LRRC7: variants seen among roughly 807,000 people sequenced by gnomAD.
LRRC7 encodes the protein leucine rich repeat containing 7.
LRRC7 carries 23 observed loss-of-function variants against 175.7 expected under a neutral mutation model. The observed-to-expected ratio is 0.13, with a 90% CI of 0.09 to 0.19. The LOEUF is 0.19. Ranked by LOEUF, LRRC7 falls within the 10% of genes least tolerant of loss-of-function variation. LRRC7 has a pLI of 1.00. For missense variants in LRRC7, 1,354 were observed against 1,904.7 expected, an observed-to-expected ratio of 0.71 and a Z score of 5.38; for synonymous variants, 685 against 680.9, an observed-to-expected ratio of 1.01 and a Z score of -0.09.
At chr1:69,919,590 C>A in intron 7 of LRRC7, 1 of 810,678 alleles carries the variant, frequency 1.2e-6, no homozygotes, top group Non-Finnish European at 2.1e-6. Context: ...ATCACCCGGA[C>A]CAAGGAGGAG....
At chr1:69,571,494 T>C (rs911759824) in intron 1 of LRRC7, among the ~76,000 whole-genome samples, 4 of 152,210 alleles carry the variant, frequency 2.6e-5, no homozygotes, top group Admixed American at 1.3e-4. Context: ...TTATTGCTTA[T>C]GAAAGTAATA....
chr1:70,097,906 A>G (rs549942395), intron 25 of LRRC7, among the ~76,000 whole-genome samples: 2 of 148,764 alleles, frequency 1.3e-5, no homozygotes, highest in East Asian at 2.0e-4. Flanking sequence ...ATTGTGAATA[A>G]TGCTGCAATA....
chr1:69,588,626 TG>T (rs1646496971), intron 1 of LRRC7, among the ~76,000 whole-genome samples: 1 of 152,170 alleles, frequency 6.6e-6, no homozygotes, highest in African/African-American at 2.4e-5. Context: ...GTATAATTTT[TG>T]TAAGCCTTGT....
At chr1:69,595,608 A>T (rs1161225077) in intron 1 of LRRC7, among the ~76,000 whole-genome samples, 2 of 151,350 alleles carry the variant, frequency 1.3e-5, no homozygotes, top group African/African-American at 4.9e-5. Context: ...TTACAACCTT[A>T]CTTTCCCTGC....
intron 4 of LRRC7, among the ~76,000 whole-genome samples, chr1:69,823,342 A>G (rs929166707): frequency 6.6e-6 from 1 of 152,144 alleles, no homozygotes; most frequent in Non-Finnish European, 1.5e-5. Context: ...ATGTTACCAC[A>G]TTTTCTAGAA....
At chr1:69,844,567 G>A (rs1355816310) in intron 7 of LRRC7, among the ~76,000 whole-genome samples, 3 of 151,948 alleles carry the variant, frequency 2.0e-5, no homozygotes, top group Admixed American at 6.6e-5. Context: ...ATACCACATT[G>A]TCTTTATTCA....
intron 8 of LRRC7, among the ~76,000 whole-genome samples, chr1:69,962,838 G>T (rs924690665): frequency 6.6e-6 from 1 of 152,028 alleles, no homozygotes; most frequent in Non-Finnish European, 1.5e-5. Flanking sequence ...CAGAGGGTGG[G>T]AGGCGGGAGA....
At chr1:69,629,735 T>C (rs1020664383) in intron 1 of LRRC7, among the ~76,000 whole-genome samples, 3 of 152,166 alleles carry the variant, frequency 2.0e-5, no homozygotes, top group African/African-American at 7.2e-5. Context: ...TCTTTCCCTC[T>C]CTCTCTGCCT....
At chr1:69,608,076 A>G (rs10889841) in intron 1 of LRRC7, 25,764 of 152,742 alleles carry the variant, frequency 0.17, 2,587 homozygotes, top group African/African-American at 0.27. Flanking sequence ...ATGTTGGATG[A>G]TATCTTGGAC....
In LRRC7 at chr1:69,834,836, C is replaced by T. The variant is rs1331492349; in HGVS notation, c.557C>T (p.Ala186Val). The T allele has an allele frequency of 1.2e-6, 2 of 1,613,158 alleles. No individual in the cohort carries two copies. The highest frequency in any genetic ancestry group is 1.7e-6 in the Non-Finnish European group (2 of 1,179,412). ...LNLTQLYLND[A>V]FLEFLPANFG... ...CTGACCCAGCTCTACCTGAATGACG[C>T]CTTTCTTGAATTTCTTCCAGCCAAT... The change falls in exon 6 of 27, where the codon GCC (alanine) becomes GTC (valine). Residue 186 changes from alanine to valine, a missense_variant. Transcript: ENST00000651989.
chr1:69,737,452 C>G (rs1313042381), intron 2 of LRRC7, among the ~76,000 whole-genome samples: 2 of 152,092 alleles, frequency 1.3e-5, no homozygotes, highest in Admixed American at 6.6e-5. Context: ...CATTAAATCT[C>G]TTTTTCTTTA....
At chr1:69,838,192 T>C (rs780201964) in intron 6 of LRRC7, 35 bp from the exon 7 acceptor site, 67 of 1,518,024 alleles carry the variant, frequency 4.4e-5, no homozygotes, top group Non-Finnish European at 5.3e-5. Flanking sequence ...TAGACAGACA[T>C]ACTAAGAGGA....
intron 1 of LRRC7, among the ~76,000 whole-genome samples, chr1:69,624,437 T>C (rs547751758): frequency 7.7e-4 from 117 of 152,256 alleles, no homozygotes; most frequent in Non-Finnish European, 1.4e-3. Context: ...ATATTGATTA[T>C]TTGCAAATAT....
intron 7 of LRRC7, among the ~76,000 whole-genome samples, chr1:69,892,688 A>C (rs748382764): frequency 5.9e-5 from 9 of 152,308 alleles, no homozygotes; most frequent in South Asian, 2.1e-4. Flanking sequence ...CTTTACCTAC[A>C]TGTATTATTT....
At chr1:69,750,077 T>TAAA (rs1348763445) in intron 2 of LRRC7, among the ~76,000 whole-genome samples, 2 of 110,252 alleles carry the variant, frequency 1.8e-5, no homozygotes, top group Non-Finnish European at 3.6e-5. Context: ...AATAAATAAA[T>TAAA]AAATAAATAA....
At chr1:69,852,788 G>A (rs1683132536) in intron 7 of LRRC7, among the ~76,000 whole-genome samples, 1 of 152,028 alleles carries the variant, frequency 6.6e-6, no homozygotes, top group Non-Finnish European at 1.5e-5. Flanking sequence ...ATTTGTTACA[G>A]TACATTTTAG....
intron 2 of LRRC7, among the ~76,000 whole-genome samples, chr1:69,691,918 A>G (rs568188085): frequency 1.4e-4 from 22 of 152,136 alleles, no homozygotes; most frequent in Non-Finnish European, 2.6e-4. Flanking sequence ...TCATATTGCA[A>G]AACAATTTTG....
At chr1:69,685,003 G>C (rs2100631206) in intron 2 of LRRC7, among the ~76,000 whole-genome samples, 1 of 152,290 alleles carries the variant, frequency 6.6e-6, no homozygotes, top group Non-Finnish European at 1.5e-5. Flanking sequence ...GTCATAAAGA[G>C]ACCCAGGCTC....
chr1:69,727,057 G>A (rs553465845), intron 2 of LRRC7, among the ~76,000 whole-genome samples: 3 of 152,294 alleles, frequency 2.0e-5, no homozygotes, highest in Admixed American at 6.5e-5. Context: ...TGGAACCTAA[G>A]GGTAGCACTG....
Sources: gnomAD v4.1 joint callset for allele counts (sites outside exome capture counted in the v4.1 genomes callset) on GRCh38, gnomAD v4.1.1 for gene constraint, MANE v1.5 for transcripts, NCBI Gene and HGNC (gene_info 2026-07-23, HGNC 2026-07-21) for gene names.